Variants in KIAA0825 observed in about 807,000 individuals in gnomAD.
The protein encoded by KIAA0825 is KIAA0825.
A neutral mutation model predicts 147.6 loss-of-function variants in KIAA0825; 119 were observed. The observed-to-expected ratio is 0.81, with a 90% CI of 0.69 to 0.94. The LOEUF (loss-of-function observed/expected upper bound fraction) is 0.94. Ranked by LOEUF, KIAA0825 falls within the 40% of genes least tolerant of loss-of-function variation. The probability of loss-of-function intolerance (pLI) is 0.00; values close to 1 mark genes in which losing one functional copy is unlikely to be tolerated. For missense variants in KIAA0825, 1,381 were observed against 1,472.7 expected (o/e 0.94, Z 1.02); for synonymous variants, 470 against 518.1 (o/e 0.91, Z 1.26).
At position 94,153,928 on chromosome 5, in the gene KIAA0825, C is replaced by A. The variant is rs1195685144; in HGVS notation, c.*79G>T. 1.1e-6 allele frequency: 1 copy of A among 939,490 alleles called. No individual in the cohort carries two copies. The highest frequency in any genetic ancestry group is 1.7e-6 in the Non-Finnish European group (1 of 596,316). 58.2% of individuals were successfully genotyped at this position (939,490 alleles called of 1,614,324 possible). The stretch of plus-strand genomic sequence containing the variant: ...CATGCTTCACAGCACATATGAGGTT[C>A]ATTCTGACTATGGTAAAAAATCCTA... On this transcript the variant is annotated 3_prime_UTR_variant, in exon 21 of 21. Transcript: ENST00000682413.
intron 20 of KIAA0825, among the ~76,000 whole-genome samples, chr5:94,363,290 A>G (rs1745335991): frequency 6.6e-6 from 1 of 152,050 alleles, no homozygotes; most frequent in Non-Finnish European, 1.5e-5. Context: ...CAATAGCTAA[A>G]TCGCATTATC....
At chr5:94,604,585 AAAC>A (rs1787137509) in intron 1 of KIAA0825, among the ~76,000 whole-genome samples, 1 of 152,024 alleles carries the variant, frequency 6.6e-6, no homozygotes, top group African/African-American at 2.4e-5. Flanking sequence ...ACAAACAAAC[AAAC>A]AAAAAACACT....
chr5:94,448,678 T>C (rs1420978), intron 13 of KIAA0825, among the ~76,000 whole-genome samples: 69,769 of 151,966 alleles, frequency 0.46, 16,145 homozygotes, highest in South Asian at 0.49. Flanking sequence ...CATCATCCAA[T>C]TCCTGTATTT....
At chr5:94,359,510 A>G (rs1744772365) in intron 20 of KIAA0825, among the ~76,000 whole-genome samples, 1 of 152,158 alleles carries the variant, frequency 6.6e-6, no homozygotes, top group South Asian at 2.1e-4. Flanking sequence ...TAATCCTAAT[A>G]CTTGGGGAGG....
intron 20 of KIAA0825, among the ~76,000 whole-genome samples, chr5:94,351,020 C>T (rs1350522446): frequency 6.6e-6 from 1 of 151,738 alleles, no homozygotes; most frequent in African/African-American, 2.4e-5. Context: ...CTGAAGGATG[C>T]CCACTCTTAC....
chr5:94,334,215 C>T (rs1036145596), intron 20 of KIAA0825, among the ~76,000 whole-genome samples: 10 of 152,334 alleles, frequency 6.6e-5, no homozygotes, highest in Middle Eastern at 3.4e-3. Flanking sequence ...TGTCTGCCTT[C>T]GCTACTCCTG....
At chr5:94,379,844 C>CTTTTTTTTTTTT (rs59886046) in intron 20 of KIAA0825, among the ~76,000 whole-genome samples, 1 of 55,722 alleles carries the variant, frequency 1.8e-5, no homozygotes, top group Non-Finnish European at 3.3e-5. Context: ...GTATTTTATT[C>CTTTTTTTTTTTT]TTTTTTTTTT....
At chr5:94,467,772 A>G (rs1175325823) in intron 10 of KIAA0825, among the ~76,000 whole-genome samples, 1 of 152,204 alleles carries the variant, frequency 6.6e-6, no homozygotes, top group East Asian at 1.9e-4. Context: ...CTTCACCTCC[A>G]GTCAGGCAGA....
At chr5:94,610,712 C>T (rs1466878309) in intron 1 of KIAA0825, among the ~76,000 whole-genome samples, 22 of 134,696 alleles carry the variant, frequency 1.6e-4, no homozygotes, top group African/African-American at 5.3e-4. Context: ...TGCAGTGAGC[C>T]GAGATCCTTC....
intron 5 of KIAA0825, among the ~76,000 whole-genome samples, chr5:94,492,147 A>G (rs1409881715): frequency 1.3e-5 from 2 of 152,148 alleles, no homozygotes; most frequent in Non-Finnish European, 2.9e-5. Context: ...CCCACCACCA[A>G]TTGTATCATA....
At chr5:94,294,921 G>A (rs1413193026) in intron 20 of KIAA0825, among the ~76,000 whole-genome samples, 1 of 152,112 alleles carries the variant, frequency 6.6e-6, no homozygotes, top group African/African-American at 2.4e-5. Context: ...TCCTCAAGGA[G>A]TATCTTTGTG....
intron 15 of KIAA0825, chr5:94,415,045 T>C (rs1278666559): frequency 6.6e-6 from 1 of 152,146 alleles, no homozygotes; most frequent in African/African-American, 2.4e-5. Context: ...AGAGAGGAGA[T>C]CTGGTTTCTT....
Position 94,365,584 on chromosome 5 carries a change from T to A in KIAA0825, c.3710+18784A>T, listed in dbSNP as rs74427388. 3.2e-4 allele frequency among the ~76,000 whole-genome samples: 48 copies of A among 152,304 alleles called. 1 individual carries two copies. In the East Asian group the frequency reaches 8.1e-3, roughly 26 times the overall value. ...TCCTGAAACTGCCTTTGCAAAGCCA[T>A]AACTGAGAAAATTATTACAGTGAAA... On this transcript the variant is annotated intron_variant, in intron 20 of 20. Coordinates refer to ENST00000682413, the MANE Select transcript of KIAA0825 (RefSeq NM_001145678.3).
intron 20 of KIAA0825, among the ~76,000 whole-genome samples, chr5:94,313,831 T>C (rs1038226082): frequency 1.3e-5 from 2 of 151,576 alleles, no homozygotes; most frequent in Non-Finnish European, 3.0e-5. Flanking sequence ...GCTGGACCTT[T>C]ACCTTACGGC....
At position 94,162,002 on chromosome 5, in the gene KIAA0825, A is replaced by T. The variant is rs528255072; in HGVS notation, c.3711-7878T>A. 3.9e-5 allele frequency among the ~76,000 whole-genome samples: 6 copies of T among 152,314 alleles called. No homozygotes were observed. In the East Asian group the frequency reaches 1.2e-3, roughly 29 times the overall value. On this transcript the variant is annotated intron_variant, in intron 20 of 20. Coordinates refer to ENST00000682413, the MANE Select transcript of KIAA0825 (RefSeq NM_001145678.3). Reference sequence around the variant, plus strand: ...CACCCAAGCTGAGGCCACTTAATTCAGCTTTTAGTAAGCATTGGAAAGTGT... The same window carrying T: ...CACCCAAGCTGAGGCCACTTAATTCTGCTTTTAGTAAGCATTGGAAAGTGT...
At chr5:94,194,905 A>G (rs1264128552) in intron 20 of KIAA0825, among the ~76,000 whole-genome samples, 12 of 152,184 alleles carry the variant, frequency 7.9e-5, no homozygotes, top group African/African-American at 1.9e-4. Context: ...AACTCTAGCT[A>G]AGTATATACT....
intron 15 of KIAA0825, among the ~76,000 whole-genome samples, chr5:94,408,598 C>T (rs1389881985): frequency 2.6e-5 from 4 of 151,974 alleles, no homozygotes; most frequent in Admixed American, 6.6e-5. Flanking sequence ...GTCTTGAACT[C>T]CCAACCTCAG....
chr5:94,164,419 T>A (rs1252255162), intron 20 of KIAA0825, among the ~76,000 whole-genome samples: 1 of 151,964 alleles, frequency 6.6e-6, no homozygotes, highest in African/African-American at 2.4e-5. Context: ...GAACTTATTT[T>A]TTTTTTTTTT....
chr5:94,368,325 A>C (rs1041905562), intron 20 of KIAA0825, among the ~76,000 whole-genome samples: 4 of 152,162 alleles, frequency 2.6e-5, no homozygotes, highest in Non-Finnish European at 1.5e-5. Context: ...GGTGTGCACC[A>C]CGACACCCAA....
Sources: allele counts gnomAD v4.1 joint callset (sites outside exome capture counted in the v4.1 genomes callset), GRCh38; gene constraint gnomAD v4.1.1; transcripts MANE v1.5; gene names NCBI Gene and HGNC (gene_info 2026-07-23, HGNC 2026-07-21).